VPS13D: variants seen among roughly 807,000 people sequenced by gnomAD.
The protein encoded by VPS13D is intermembrane lipid transfer protein VPS13D.
A neutral mutation model predicts 461.9 loss-of-function variants in VPS13D; 187 were observed. The ratio of observed to expected loss-of-function variants is 0.40; its 90% CI spans 0.36 to 0.46. The LOEUF is 0.46. VPS13D is among the 20% of genes least tolerant of loss of function. The probability of loss-of-function intolerance (pLI) is 0.60; values close to 1 mark genes in which losing one functional copy is unlikely to be tolerated. For missense variants in VPS13D, 4,711 were observed against 5,364.9 expected (o/e 0.88, Z 3.81); for synonymous variants, 1,951 against 1,986.3 (o/e 0.98, Z 0.47).
Position 12,314,121 on chromosome 1 carries a change from C to G in VPS13D, c.6942C>G (p.Asp2314Glu). 6.2e-7 allele frequency: 1 copy of G among 1,613,822 alleles called. No homozygotes were observed. Among genetic ancestry groups the G allele is most frequent in the Non-Finnish European group, 8.5e-7 (1 of 1,179,858 alleles). ...KEGAGSLARFDFKKCKLLYES... is the reference protein window; with the variant it reads ...KEGAGSLARFEFKKCKLLYES... ...TTTCTTTTCTCTCTTTTAGATTTGA[C>G]TTCAAGAAATGCAAACTGCTCTATG... Residue 2314 changes from aspartate to glutamate, a missense_variant, in exon 30 of 70, where the codon GAC (aspartate) becomes GAG (glutamate). Around this residue, in one of 3 missense-constraint regions of VPS13D, gnomAD observed 4,411 missense variants for 4,937.8 expected, o/e 0.89. Coordinates refer to ENST00000620676, the MANE Select transcript of VPS13D (RefSeq NM_015378.4).
intron 64 of VPS13D, among the ~76,000 whole-genome samples, chr1:12,415,851 A>G (rs1421097083): frequency 6.6e-6 from 1 of 152,088 alleles, no homozygotes; most frequent in Non-Finnish European, 1.5e-5. Context: ...AGCAGATATC[A>G]CTGGAACCTG....
At chr1:12,280,638 C>T (rs1249577784) in intron 20 of VPS13D, among the ~76,000 whole-genome samples, 1 of 151,686 alleles carries the variant, frequency 6.6e-6, no homozygotes, top group Non-Finnish European at 1.5e-5. Context: ...TACAGGCATT[C>T]GCCACCACAC....
At chr1:12,390,462 C>A (rs750278225) in intron 60 of VPS13D, among the ~76,000 whole-genome samples, 1 of 152,124 alleles carries the variant, frequency 6.6e-6, no homozygotes, top group African/African-American at 2.4e-5. Context: ...CTTCTTTAGC[C>A]GTAAGGTGAG....
intron 60 of VPS13D, among the ~76,000 whole-genome samples, chr1:12,391,820 G>A (rs1322852657): frequency 6.6e-6 from 1 of 152,034 alleles, no homozygotes; most frequent in African/African-American, 2.4e-5. Flanking sequence ...GTGAAGCAGT[G>A]GGGATAAACA....
intron 26 of VPS13D, among the ~76,000 whole-genome samples, chr1:12,308,117 G>C (rs780915479): frequency 1.3e-5 from 2 of 152,108 alleles, no homozygotes; most frequent in Non-Finnish European, 2.9e-5. Flanking sequence ...GTCAGATTTC[G>C]TCATCAATCC....
chr1:12,334,530 G>A (rs1242003475), intron 38 of VPS13D, among the ~76,000 whole-genome samples: 3 of 152,256 alleles, frequency 2.0e-5, no homozygotes, highest in Non-Finnish European at 2.9e-5. Flanking sequence ...TCTTCGAGAA[G>A]CCAAGATGGG....
intron 33 of VPS13D, 132 bp downstream of exon 33, chr1:12,322,096 T>G: frequency 1.7e-6 from 2 of 1,162,132 alleles, no homozygotes; most frequent in Non-Finnish European, 2.4e-6. Context: ...GATGGAGTCT[T>G]GCTCTGTCGC....
At chr1:12,506,737 G>A (rs1570304359) in intron 68 of VPS13D, 116 bp from the exon 69 acceptor site, 5 of 1,369,534 alleles carry the variant, frequency 3.7e-6, no homozygotes, top group East Asian at 2.3e-5. Context: ...GTATTTCCCG[G>A]CAAGGGGGCC....
At chr1:12,401,029 G>A (rs538801417) in intron 61 of VPS13D, among the ~76,000 whole-genome samples, 20 of 151,734 alleles carry the variant, frequency 1.3e-4, no homozygotes, top group Admixed American at 3.9e-4. Context: ...TTGGGAAAGG[G>A]CTATGATGGG....
chr1:12,423,220 C>A (rs1373863988), intron 65 of VPS13D, among the ~76,000 whole-genome samples: 1 of 152,152 alleles, frequency 6.6e-6, no homozygotes. Context: ...AATGAAGAAA[C>A]TGAGGCCCAG....
chr1:12,448,883 C>A (rs1221473569), intron 65 of VPS13D, among the ~76,000 whole-genome samples: 1 of 152,194 alleles, frequency 6.6e-6, no homozygotes, highest in African/African-American at 2.4e-5. Context: ...GTCAGAGTTG[C>A]AGAATAGCAA....
intron 53 of VPS13D, 128 bp downstream of exon 53, chr1:12,368,719 T>C: frequency 8.7e-7 from 1 of 1,143,642 alleles, no homozygotes; most frequent in Middle Eastern, 2.7e-4. Flanking sequence ...GGATAGGTTC[T>C]TTATATCTGG....
At chr1:12,260,450 T>G (rs1641072472) in intron 10 of VPS13D, among the ~76,000 whole-genome samples, 1 of 152,132 alleles carries the variant, frequency 6.6e-6, no homozygotes, top group Non-Finnish European at 1.5e-5. Context: ...GAGCTCAATT[T>G]CTGGAGAATT....
At chr1:12,508,847 T>A (rs751810398) in intron 69 of VPS13D, 46 bp from the exon 70 acceptor site, 11 of 1,600,714 alleles carry the variant, frequency 6.9e-6, no homozygotes, top group Middle Eastern at 1.7e-4. Flanking sequence ...GATTCCTGGA[T>A]TTCCCCATCC....
At position 12,400,264 on chromosome 1, in the gene VPS13D, C is replaced by T. The variant is rs376413956; in HGVS notation, c.11718C>T (p.Thr3906=). 1.1e-5 allele frequency: 18 copies of T among 1,614,002 alleles called. No homozygotes were observed. Among genetic ancestry groups the T allele is most frequent in the Middle Eastern group, 1.6e-4 (1 of 6,082 alleles). ...GCAATGAGAATGAGGTCATCGAGACCGGCCCAGCTGTGCAAGTCAACGCAG... is the reference window on the plus strand; with the variant it reads ...GCAATGAGAATGAGGTCATCGAGACTGGCCCAGCTGTGCAAGTCAACGCAG... ...PLSNENEVIE[T]GPAVQVNAVK... is the part of the protein sequence containing the mutation. Residue 3906 remains threonine, a synonymous_variant, in exon 61 of 70, where the codon ACC becomes ACT. Coordinates refer to ENST00000620676, the MANE Select transcript of VPS13D (RefSeq NM_015378.4).
In VPS13D at chr1:12,318,043, A is replaced by T. The variant is rs766459381; in HGVS notation, c.7149-29A>T. On this transcript the variant is annotated intron_variant, in intron 30 of 69. Transcript: ENST00000620676. ...GAAATAACCATGTTTCTTTTTTCCT[A>T]TTTATTTTCTCCTGTCTTCTTTTTA... 21 of 1,574,192 alleles carry T rather than the reference A, an allele frequency of 1.3e-5. No homozygotes were observed. The Admixed American group carries it at 1.6e-4, about 12-fold the overall frequency.
At chr1:12,439,923 T>C (rs1175665581) in intron 65 of VPS13D, among the ~76,000 whole-genome samples, 5 of 152,244 alleles carry the variant, frequency 3.3e-5, no homozygotes, top group African/African-American at 1.2e-4. Context: ...ATTTCTACTT[T>C]ACTGTGCTGT....
Position 12,368,464 on chromosome 1 carries a change from G to GC in VPS13D, c.10449-3dup. The GC allele has an allele frequency of 2.5e-6, 4 of 1,609,298 alleles. No homozygotes were observed. The highest frequency in any genetic ancestry group is 3.4e-6 in the Non-Finnish European group (4 of 1,177,812). ...GTAGCCTCTTTTGTTTCCTTGTCCTGCAGGGATACCTTGGGAAAATGCTTC... is the reference window on the plus strand; with the variant it reads ...GTAGCCTCTTTTGTTTCCTTGTCCTGCCAGGGATACCTTGGGAAAATGCTTC... On this transcript the variant is annotated splice_polypyrimidine_tract_variant and splice_region_variant and intron_variant, in intron 52 of 69. Coordinates refer to ENST00000620676, the MANE Select transcript of VPS13D (RefSeq NM_015378.4).
chr1:12,262,184 G>A (rs1641131103), intron 13 of VPS13D, 104 bp downstream of exon 13: 4 of 1,280,914 alleles, frequency 3.1e-6, no homozygotes, highest in Non-Finnish European at 4.2e-6. Flanking sequence ...AAGTCAGTGC[G>A]AAAACTGTAT....
Sources: gnomAD v4.1 joint callset for allele counts (sites outside exome capture counted in the v4.1 genomes callset) on GRCh38, gnomAD v4.1.1 for gene constraint, gnomAD v4.1.1 regional missense constraint, MANE v1.5 for transcripts, NCBI Gene and HGNC (gene_info 2026-07-23, HGNC 2026-07-21) for gene names.